Variants in TNIK observed in about 807,000 individuals in gnomAD.
TNIK encodes the protein TRAF2 and NCK interacting kinase.
Under a neutral mutation model 191.3 loss-of-function variants are expected in TNIK, and 49 were observed. The observed-to-expected ratio is 0.26, with a 90% CI of 0.20 to 0.32. The LOEUF (loss-of-function observed/expected upper bound fraction) is 0.32. Ranked by LOEUF, TNIK falls within the 10% of genes least tolerant of loss-of-function variation. The pLI is 1.00. For synonymous variants in TNIK, 594 were observed against 600.9 expected (o/e 0.99, Z 0.17); for missense variants, 1,155 against 1,702.3 (o/e 0.68, Z 5.66).
intron 2 of TNIK, among the ~76,000 whole-genome samples, chr3:171,297,716 A>C (rs1041276146): frequency 6.6e-6 from 1 of 152,188 alleles, no homozygotes; most frequent in Non-Finnish European, 1.5e-5. Context: ...CTTAACATGG[A>C]TCTGTTAAAG....
intron 2 of TNIK, among the ~76,000 whole-genome samples, chr3:171,342,438 G>C (rs961651715): frequency 9.2e-5 from 14 of 152,190 alleles, no homozygotes; most frequent in Non-Finnish European, 1.3e-4. Flanking sequence ...GGCTTTGCTT[G>C]TTGCAATCAC....
chr3:171,379,464 T>C (rs909980600), intron 1 of TNIK, among the ~76,000 whole-genome samples: 2 of 152,232 alleles, frequency 1.3e-5, no homozygotes, highest in African/African-American at 4.8e-5. Flanking sequence ...GCCCTTCTCA[T>C]GCTTCTTGAC....
chr3:171,179,793 G>A (rs6800027), intron 7 of TNIK, among the ~76,000 whole-genome samples: 1,607 of 152,222 alleles, frequency 0.011, 31 homozygotes, highest in African/African-American at 0.037. Flanking sequence ...TAATCATTTC[G>A]GAACATGAGA....
intron 1 of TNIK, among the ~76,000 whole-genome samples, chr3:171,432,719 C>T (rs1725525423): frequency 6.6e-6 from 1 of 152,126 alleles, no homozygotes; most frequent in African/African-American, 2.4e-5. Flanking sequence ...ACATTTTAAG[C>T]AATGTGAAGC....
At chr3:171,253,922 G>A (rs1472604048) in intron 2 of TNIK, among the ~76,000 whole-genome samples, 4 of 152,150 alleles carry the variant, frequency 2.6e-5, no homozygotes, top group South Asian at 2.1e-4. Flanking sequence ...TCCTTCAAGA[G>A]TTTAAATAAA....
intron 1 of TNIK, among the ~76,000 whole-genome samples, chr3:171,426,519 C>A (rs1459109056): frequency 6.6e-6 from 1 of 151,806 alleles, no homozygotes; most frequent in South Asian, 2.1e-4. Flanking sequence ...CAAACCTGCA[C>A]GTTGTGCACA....
intron 1 of TNIK, among the ~76,000 whole-genome samples, chr3:171,420,566 C>G (rs987800847): frequency 6.6e-6 from 1 of 152,078 alleles, no homozygotes; most frequent in South Asian, 2.1e-4. Context: ...ATGCCTGAAA[C>G]CAAGAATACT....
intron 22 of TNIK, among the ~76,000 whole-genome samples, chr3:171,096,742 G>A (rs1722776110): frequency 6.6e-6 from 1 of 152,130 alleles, no homozygotes; most frequent in Non-Finnish European, 1.5e-5. Context: ...GTCCTGCAAT[G>A]ATCAGATCTC....
At chr3:171,132,435 G>A (rs1397239447) in intron 15 of TNIK, among the ~76,000 whole-genome samples, 2 of 152,138 alleles carry the variant, frequency 1.3e-5, no homozygotes, top group Admixed American at 1.3e-4. Flanking sequence ...ATAAAATTCT[G>A]CTCTAGACAG....
chr3:171,174,976 G>T (rs897121787), intron 9 of TNIK, among the ~76,000 whole-genome samples: 1 of 152,184 alleles, frequency 6.6e-6, no homozygotes, highest in South Asian at 2.1e-4. Context: ...TGGAGTTATA[G>T]ATCAAAGAGC....
intron 1 of TNIK, among the ~76,000 whole-genome samples, chr3:171,437,224 A>C (rs1726137725): frequency 6.6e-6 from 1 of 152,198 alleles, no homozygotes; most frequent in African/African-American, 2.4e-5. Flanking sequence ...GGAAAAAAGC[A>C]CCCAAGCTTA....
intron 1 of TNIK, among the ~76,000 whole-genome samples, chr3:171,452,460 A>G (rs936994390): frequency 6.6e-6 from 1 of 151,944 alleles, no homozygotes; most frequent in African/African-American, 2.4e-5. Context: ...CTCATCTTAC[A>G]TGTGACAAAA....
Position 171,296,917 on chromosome 3 carries a change from T to G in TNIK, c.124-68696A>C, listed in dbSNP as rs142863546. On this transcript the variant is annotated intron_variant, in intron 2 of 32. Coordinates refer to ENST00000436636, the MANE Select transcript of TNIK (RefSeq NM_015028.4). Reference sequence around the variant, plus strand: ...TTTACTTTCAACTATGCAGAACAATTTCTTTTAGATTTCGCTGTTCTCATA... The same window carrying G: ...TTTACTTTCAACTATGCAGAACAATGTCTTTTAGATTTCGCTGTTCTCATA... Among the ~76,000 whole-genome samples the G allele has an allele frequency of 2.4e-3, 358 of 152,202 alleles. 1 individual carries two copies. Among genetic ancestry groups the G allele is most frequent in the African/African-American group, 7.6e-3 (316 of 41,426 alleles).
At chr3:171,406,476 C>A (rs1282903684) in intron 1 of TNIK, among the ~76,000 whole-genome samples, 1 of 152,180 alleles carries the variant, frequency 6.6e-6, no homozygotes, top group Admixed American at 6.5e-5. Flanking sequence ...GTCACCCAGA[C>A]TGGAGTACAG....
chr3:171,092,751 C>T (rs887950038), intron 23 of TNIK, among the ~76,000 whole-genome samples: 10 of 152,216 alleles, frequency 6.6e-5, no homozygotes, highest in Non-Finnish European at 1.3e-4. Flanking sequence ...AGGCCTTATT[C>T]ATCTCAAAAC....
chr3:171,367,995 C>G (rs1302962882), intron 2 of TNIK, among the ~76,000 whole-genome samples: 1 of 152,118 alleles, frequency 6.6e-6, no homozygotes, highest in African/African-American at 2.4e-5. Flanking sequence ...ATGTTGACAA[C>G]CTAGCTGCTA....
chr3:171,111,744 CAATATGG>C (rs1725887259), intron 18 of TNIK, among the ~76,000 whole-genome samples: 1 of 152,144 alleles, frequency 6.6e-6, no homozygotes, highest in African/African-American at 2.4e-5. Flanking sequence ...ACAGTAGCCA[CAATATGG>C]AATCAACCTA....
intron 2 of TNIK, among the ~76,000 whole-genome samples, chr3:171,272,136 C>T (rs533742312): frequency 6.6e-6 from 1 of 152,342 alleles, no homozygotes; most frequent in Admixed American, 6.5e-5. Flanking sequence ...GCTTCCTCTG[C>T]TGGTTCCTGG....
intron 9 of TNIK, among the ~76,000 whole-genome samples, chr3:171,174,795 T>A (rs906303016): frequency 1.3e-5 from 2 of 152,184 alleles, no homozygotes; most frequent in Non-Finnish European, 2.9e-5. Context: ...AAACTGCAAA[T>A]GCTCATACAC....
Sources: gnomAD v4.1 joint callset for allele counts (sites outside exome capture counted in the v4.1 genomes callset) on GRCh38, gnomAD v4.1.1 for gene constraint, MANE v1.5 for transcripts, NCBI Gene and HGNC (gene_info 2026-07-23, HGNC 2026-07-21) for gene names.